The following DTWD1 variants were observed in gnomAD, a reference collection of about 807,000 sequenced individuals.
DTWD1 encodes tRNA-uridine aminocarboxypropyltransferase 1.
DTWD1 carries 27 observed loss-of-function variants against 30.2 expected under a neutral mutation model. That is an observed-to-expected ratio of 0.90 (90% CI 0.66 to 1.23). The LOEUF (loss-of-function observed/expected upper bound fraction) is 1.23. Ranked by LOEUF, DTWD1 falls within the 50% of genes most tolerant of loss-of-function variation. The pLI, the probability that DTWD1 is intolerant of heterozygous loss-of-function variation, is 0.00. For missense variants in DTWD1, 342 were observed against 348.8 expected (o/e 0.98, Z 0.15); for synonymous variants, 99 against 113.1 (o/e 0.88, Z 0.79).
chr15:49,633,049 C>CTATCTATA (rs2078947255), intron 3 of DTWD1, among the ~76,000 whole-genome samples: 1 of 117,316 alleles, frequency 8.5e-6, no homozygotes, highest in Non-Finnish European at 1.7e-5. Flanking sequence ...ATATCTATAT[C>CTATCTATA]TATATATATA....
At position 49,649,589 on chromosome 15, in the gene DTWD1, T is replaced by C. The variant is rs554687274; in HGVS notation, c.*6011T>C. On this transcript the variant is annotated 3_prime_UTR_variant, in exon 5 of 5. Coordinates refer to ENST00000403028, the MANE Select transcript of DTWD1 (RefSeq NM_001144955.2). ...CTGTCTCTACTAAAAATACAAAAAT[T>C]AGTCGGGTGTGATGGCATGTGTCTG... 1 of 152,100 alleles carries C rather than the reference T, an allele frequency of 6.6e-6. No individual in the cohort carries two copies. The highest frequency in any genetic ancestry group is 2.1e-4 in the South Asian group (1 of 4,824). The allele number at this position is 152,100 out of a possible 1,614,324, so 9.4% of individuals were successfully genotyped here. A position where few individuals can be genotyped will look rare whatever the true frequency, so the allele number is the denominator to read the frequency against.
intron 1 of DTWD1, among the ~76,000 whole-genome samples, chr15:49,622,644 A>T (rs978363773): frequency 4.6e-5 from 7 of 152,198 alleles, no homozygotes; most frequent in African/African-American, 1.7e-4. Flanking sequence ...AGTATGTTTT[A>T]AAAATTTTAA....
At chr15:49,629,471 T>C (rs2153351932) in intron 2 of DTWD1, 1 of 152,356 alleles carries the variant, frequency 6.6e-6, no homozygotes, top group African/African-American at 2.4e-5. Context: ...TTTGGAATTT[T>C]CAGCTTTACT....
At position 49,634,616 on chromosome 15, in the gene DTWD1, T is replaced by C. The variant is rs143185767; in HGVS notation, c.489T>C (p.Asn163=). Residue 163 remains asparagine (N), a synonymous_variant, in exon 4 of 5, where the codon AAT becomes AAC. Transcript: ENST00000403028. ...SFHLQKRIQN[N]VRGKNDDPDK... ...ATCTGCAAAAAAGGATTCAAAATAA[T>C]GTTAGAGGCAAAAATGATGACCCTG... The C allele has an allele frequency of 3.1e-6, 5 of 1,613,754 alleles. No individual in the cohort carries two copies. The highest frequency in any genetic ancestry group is 2.7e-5 in the African/African-American group (2 of 74,926).
rs1555588610 is a variant in DTWD1, at chr15:49,633,049, CTATA to C, written c.408+765_408+768del. On this transcript the variant is annotated intron_variant, in intron 3 of 4. Coordinates refer to ENST00000403028, the MANE Select transcript of DTWD1 (RefSeq NM_001144955.2). Reference sequence around the variant, plus strand: ...TTTACTTTCCTATTTATATCTATATCTATATATATATATATATATATGTATTTTT... The same window carrying C: ...TTTACTTTCCTATTTATATCTATATCTATATATATATATATATGTATTTTT... Among the ~76,000 whole-genome samples the C allele has an allele frequency of 6.9e-3, 808 of 117,342 alleles. 11 individuals are homozygous for C. Among genetic ancestry groups the C allele is most frequent in the African/African-American group, 0.01 (306 of 29,956 alleles). The allele number at this position is 117,342 out of a possible 152,430, so 77.0% of individuals were successfully genotyped here.
chr15:49,648,052 T>G lies in DTWD1; in HGVS notation c.*4474T>G, dbSNP rs1397952077. The G allele has an allele frequency of 6.6e-6, 1 of 152,144 alleles. No homozygotes were observed. Among genetic ancestry groups the G allele is most frequent in the Non-Finnish European group, 1.5e-5 (1 of 68,020 alleles). 9.4% of individuals were successfully genotyped at this position (152,144 alleles called of 1,614,324 possible). ...CATAGGCTACATGTTACATTGTATTTAATTAAAAACCTTAAGAGGAAAGGC... is the reference window on the plus strand; with the variant it reads ...CATAGGCTACATGTTACATTGTATTGAATTAAAAACCTTAAGAGGAAAGGC... On this transcript the variant is annotated 3_prime_UTR_variant, in exon 5 of 5. Transcript: ENST00000403028.
intron 2 of DTWD1, among the ~76,000 whole-genome samples, chr15:49,628,999 C>G (rs1192265106): frequency 2.0e-5 from 3 of 152,242 alleles, no homozygotes; most frequent in Non-Finnish European, 4.4e-5. Flanking sequence ...TCCCCACCCC[C>G]AGACGGGCTC....
rs771335707 is a variant in DTWD1 at position 49,634,803 on chromosome 15, A to G, written c.667+9A>G. 6.4e-7 allele frequency: 1 copy of G among 1,552,318 alleles called. No individual in the cohort carries two copies. Among genetic ancestry groups the G allele is most frequent in the Non-Finnish European group, 8.6e-7 (1 of 1,156,282 alleles). ...TGATGAGCGACTTCAAGGTAAAAAA[A>G]AAATGTTTTTTTGGACTGCTCCTCC... On this transcript the variant is annotated intron_variant, in intron 4 of 4. Coordinates refer to ENST00000403028, the MANE Select transcript of DTWD1 (RefSeq NM_001144955.2).
intron 1 of DTWD1, among the ~76,000 whole-genome samples, chr15:49,622,558 C>A (rs563777565): frequency 1.3e-5 from 2 of 152,324 alleles, no homozygotes; most frequent in African/African-American, 4.8e-5. Flanking sequence ...TCCTTAGGAA[C>A]AGTCTTTATG....
intron 2 of DTWD1, among the ~76,000 whole-genome samples, chr15:49,628,247 A>G (rs2078871196): frequency 6.6e-6 from 1 of 152,172 alleles, no homozygotes; most frequent in Admixed American, 6.5e-5. Context: ...TATGATAGCA[A>G]TGCCTTCTTC....
Position 49,651,024 on chromosome 15 carries a change from G to A in DTWD1, c.*7446G>A, listed in dbSNP as rs543979193. 4.6e-5 allele frequency: 7 copies of A among 152,252 alleles called. No homozygotes were observed. The highest frequency in any genetic ancestry group is 6.5e-5 in the Admixed American group (1 of 15,282). The allele number at this position is 152,252 out of a possible 1,614,324, so 9.4% of individuals were successfully genotyped here. ...TGGTAAAATGAGAAGATTTACCCAC[G>A]GAAGAGAATGTGCCAGCAAGTGCAG... On this transcript the variant is annotated 3_prime_UTR_variant, in exon 5 of 5. Transcript: ENST00000403028.
At position 49,634,659 on chromosome 15, in the gene DTWD1, C is replaced by T. The variant is rs532709248; in HGVS notation, c.532C>T (p.Arg178Cys). 2.0e-5 allele frequency: 32 copies of T among 1,613,554 alleles called. No individual in the cohort carries two copies. The highest frequency in any genetic ancestry group is 6.7e-5 in the African/African-American group (5 of 74,982). The change falls in exon 4 of 5, where the codon CGC becomes TGC. Residue 178 changes from arginine to cysteine, a missense_variant. Arg to Cys is a radical substitution (Grantham distance 180). Coordinates refer to ENST00000403028, the MANE Select transcript of DTWD1 (RefSeq NM_001144955.2). ...NDDPDKPSFK[R>C]KRTEEQEFCD... ...TGACCCTGACAAGCCATCTTTTAAA[C>T]GCAAAAGAACTGAAGAACAAGAGTT...
intron 1 of DTWD1, 78 bp from the exon 2 acceptor site, chr15:49,625,035 T>G (rs988909122): frequency 3.3e-6 from 3 of 901,122 alleles, no homozygotes; most frequent in Non-Finnish European, 5.0e-6. Context: ...GTGACTTAAA[T>G]TGAGTAATTT....
At position 49,649,095 on chromosome 15, in the gene DTWD1, T is replaced by C. The variant is rs966096961; in HGVS notation, c.*5517T>C. Reference sequence around the variant, plus strand: ...TAAAAAAAAGATGTACATTAAGGCTTATCATCAAGGAATTTCAGAACACTG... The same window carrying C: ...TAAAAAAAAGATGTACATTAAGGCTCATCATCAAGGAATTTCAGAACACTG... On this transcript the variant is annotated 3_prime_UTR_variant, in exon 5 of 5. Transcript: ENST00000403028. 9.9e-5 allele frequency: 15 copies of C among 152,236 alleles called. No individual in the cohort carries two copies. Among genetic ancestry groups the C allele is most frequent in the African/African-American group, 3.4e-4 (14 of 41,556 alleles). 9.4% of individuals were successfully genotyped at this position (152,236 alleles called of 1,614,324 possible).
Position 49,625,216 on chromosome 15 carries a change from T to G in DTWD1, c.49T>G (p.Ser17Ala). 1 of 1,613,506 alleles carries G rather than the reference T, an allele frequency of 6.2e-7. No homozygotes were observed. Among genetic ancestry groups the G allele is most frequent in the Non-Finnish European group, 8.5e-7 (1 of 1,179,658 alleles). ...TCTCAAACGAAGTGAAGAAAATAGT[T>G]CAAAATTTGTGGAAACAAAACAGTC... The part of the protein sequence containing the change: ...IFLKRSEENS[S>A]KFVETKQSQT... The change falls in exon 2 of 5, where the codon TCA (serine) becomes GCA (alanine). Residue 17 changes from serine (S) to alanine (A), a missense_variant. Coordinates refer to ENST00000403028, the MANE Select transcript of DTWD1 (RefSeq NM_001144955.2).
chr15:49,639,285 G>T (rs1242969772), intron 4 of DTWD1, among the ~76,000 whole-genome samples: 2 of 152,164 alleles, frequency 1.3e-5, no homozygotes, highest in Non-Finnish European at 2.9e-5. Context: ...TTTGAGCCAG[G>T]TGTAGTGGCT....
At chr15:49,626,238 A>G (rs2153351367) in intron 2 of DTWD1, among the ~76,000 whole-genome samples, 1 of 152,290 alleles carries the variant, frequency 6.6e-6, no homozygotes, top group Middle Eastern at 3.4e-3. Flanking sequence ...CCTTGAGAAA[A>G]TACTATTCTA....
chr15:49,633,049 C>CTATATATATATCTA (rs2078948396), intron 3 of DTWD1, among the ~76,000 whole-genome samples: 13 of 117,316 alleles, frequency 1.1e-4, no homozygotes, highest in Admixed American at 6.0e-4. Flanking sequence ...ATATCTATAT[C>CTATATATATATCTA]TATATATATA....
chr15:49,625,437 TAAG>T lies in DTWD1; in HGVS notation c.264+9_264+11del. On this transcript the variant is annotated splice_region_variant and intron_variant, in intron 2 of 4. Coordinates refer to ENST00000403028, the MANE Select transcript of DTWD1 (RefSeq NM_001144955.2). ...AACAGATTCCACTTGTGAAGGTTAG[TAAG>T]AAATTTAATTGTTTGAAAGTATGAA... is the stretch of plus-strand genomic sequence containing the variant. 1 of 1,602,962 alleles carries T rather than the reference TAAG, an allele frequency of 6.2e-7. No homozygotes were observed. The highest frequency in any genetic ancestry group is 8.5e-7 in the Non-Finnish European group (1 of 1,174,086).
Sources: gnomAD v4.1 joint callset for allele counts (sites outside exome capture counted in the v4.1 genomes callset) on GRCh38, gnomAD v4.1.1 for gene constraint, MANE v1.5 for transcripts, NCBI Gene and HGNC (gene_info 2026-07-23, HGNC 2026-07-21) for gene names.